The following GPC5 variants were observed in gnomAD, a reference collection of about 807,000 sequenced individuals.
GPC5 encodes the protein glypican 5.
GPC5 carries 47 observed loss-of-function variants against 53.9 expected under a neutral mutation model. The ratio of observed to expected loss-of-function variants is 0.87; its 90% CI spans 0.69 to 1.11. GPC5 has a LOEUF of 1.11. Ranked by LOEUF, GPC5 falls within the 50% of genes most tolerant of loss-of-function variation. The pLI, the probability that GPC5 is intolerant of heterozygous loss-of-function variation, is 0.00. For missense variants in GPC5, 748 were observed against 713.1 expected, an observed-to-expected ratio of 1.05 and a Z score of -0.56; for synonymous variants, 286 against 263.3, an observed-to-expected ratio of 1.09 and a Z score of -0.84.
chr13:91,432,234 T>G (rs923976667), intron 1 of GPC5, among the ~76,000 whole-genome samples: 11 of 150,008 alleles, frequency 7.3e-5, no homozygotes, highest in African/African-American at 2.8e-4. Context: ...TGTGTGTGTG[T>G]GTGTGTGTGT....
intron 1 of GPC5, among the ~76,000 whole-genome samples, chr13:91,447,377 C>T (rs1187888194): frequency 3.4e-5 from 5 of 145,980 alleles, no homozygotes; most frequent in African/African-American, 5.1e-5. Context: ...AGAATTTGCT[C>T]TTACGTAACT....
chr13:92,294,704 C>T (rs2043021361), intron 7 of GPC5, among the ~76,000 whole-genome samples: 1 of 151,380 alleles, frequency 6.6e-6, no homozygotes, highest in Non-Finnish European at 1.5e-5. Context: ...CTTAATTCTG[C>T]TCTAATCTTG....
At position 92,353,266 on chromosome 13, in the gene GPC5, C is replaced by CAAAAAAAAAAAA. The variant is rs563794696; in HGVS notation, c.1561+208284_1561+208295dup. Among the ~76,000 whole-genome samples, 323 of 66,722 alleles carry CAAAAAAAAAAAA rather than the reference C, an allele frequency of 4.8e-3. 8 individuals are homozygous for CAAAAAAAAAAAA. Among genetic ancestry groups the CAAAAAAAAAAAA allele is most frequent in the Non-Finnish European group, 5.6e-3 (195 of 34,528 alleles). 43.8% of individuals were successfully genotyped at this position (66,722 alleles called of 152,430 possible). Reference sequence around the variant, plus strand: ...TGGGCGACAGAGCGAGACTCCGTCTCAAAAAAAAAAAAAAAAAAGAAATGT... The same window carrying CAAAAAAAAAAAA: ...TGGGCGACAGAGCGAGACTCCGTCTCAAAAAAAAAAAAAAAAAAAAAAAAAAAAAAGAAATGT... On this transcript the variant is annotated intron_variant, in intron 7 of 7. Transcript: ENST00000377067.
At chr13:91,952,113 G>T (rs747627788) in intron 6 of GPC5, among the ~76,000 whole-genome samples, 2 of 152,042 alleles carry the variant, frequency 1.3e-5, no homozygotes, top group South Asian at 2.1e-4. Flanking sequence ...TATATGTTCT[G>T]CTAGGTATTA....
At position 92,144,836 on chromosome 13, in the gene GPC5, C is replaced by T. The variant is rs2041854813; in HGVS notation, c.1408C>T (p.Gln470Ter). 1 of 1,609,888 alleles carries T rather than the reference C, an allele frequency of 6.2e-7. No homozygotes were observed. Among genetic ancestry groups the T allele is most frequent in the African/African-American group, 1.3e-5 (1 of 74,458 alleles). Reference sequence around the variant, plus strand: ...TTTCTTTATGTACAATTAGTTGTTACAGGGTAGATCACCCAAACCTGACAA... The same window carrying T: ...TTTCTTTATGTACAATTAGTTGTTATAGGGTAGATCACCCAAACCTGACAA... ...DKLKHVVQLL[Q>*]GRSPKPDKWE... Residue 470 changes from glutamine to a stop codon, truncating the protein, a stop_gained, in exon 7 of 8, where the codon CAG (glutamine) becomes TAG (stop). Transcript: ENST00000377067. LOFTEE classifies it high-confidence loss of function.
At chr13:92,118,319 A>G (rs1207962037) in intron 6 of GPC5, among the ~76,000 whole-genome samples, 1 of 152,152 alleles carries the variant, frequency 6.6e-6, no homozygotes, top group African/African-American at 2.4e-5. Context: ...TTTGTAAAGT[A>G]TTTTTTAAAA....
chr13:91,421,503 A>G (rs2138985004), intron 1 of GPC5, among the ~76,000 whole-genome samples: 1 of 152,308 alleles, frequency 6.6e-6, no homozygotes. Flanking sequence ...CCAAGTGATG[A>G]TAAAAGTGAA....
chr13:91,763,277 C>T (rs142476317), intron 5 of GPC5, among the ~76,000 whole-genome samples: 3 of 152,062 alleles, frequency 2.0e-5, no homozygotes, highest in Non-Finnish European at 4.4e-5. Context: ...TTTTCTCCCC[C>T]CCGGACAACT....
At chr13:92,648,148 G>A (rs181364824) in intron 7 of GPC5, among the ~76,000 whole-genome samples, 5 of 151,766 alleles carry the variant, frequency 3.3e-5, no homozygotes, top group African/African-American at 7.2e-5. Context: ...CATTATTTTT[G>A]GTAAGAACAT....
intron 7 of GPC5, among the ~76,000 whole-genome samples, chr13:92,546,557 A>G (rs1307105239): frequency 2.6e-5 from 4 of 152,218 alleles, no homozygotes; most frequent in Non-Finnish European, 1.5e-5. Flanking sequence ...GCTCATGGGT[A>G]GGAAGAATCA....
At chr13:92,486,944 C>A (rs1055911411) in intron 7 of GPC5, among the ~76,000 whole-genome samples, 1 of 152,010 alleles carries the variant, frequency 6.6e-6, no homozygotes, top group Non-Finnish European at 1.5e-5. Context: ...TAAATTCTGC[C>A]TTCTGGATTC....
intron 6 of GPC5, among the ~76,000 whole-genome samples, chr13:91,945,671 A>C (rs922095974): frequency 7.9e-5 from 12 of 152,114 alleles, no homozygotes; most frequent in African/African-American, 2.9e-4. Context: ...CTGGTAGCTC[A>C]AGGGCCCACT....
At chr13:91,547,265 A>G (rs1193148691) in intron 2 of GPC5, among the ~76,000 whole-genome samples, 2 of 152,052 alleles carry the variant, frequency 1.3e-5, no homozygotes, top group African/African-American at 4.8e-5. Flanking sequence ...GAGACAGTGT[A>G]TTACTGTCTA....
intron 7 of GPC5, among the ~76,000 whole-genome samples, chr13:92,364,687 G>A (rs1238396029): frequency 6.6e-6 from 1 of 151,658 alleles, no homozygotes; most frequent in Non-Finnish European, 1.5e-5. Context: ...CCTAGATCGC[G>A]CCACTGCACT....
chr13:91,413,019 C>T (rs963250263), intron 1 of GPC5, among the ~76,000 whole-genome samples: 8 of 152,174 alleles, frequency 5.3e-5, no homozygotes, highest in East Asian at 3.8e-4. Flanking sequence ...TGGTGGCTCA[C>T]GCCTGTAATC....
At chr13:91,647,083 G>A (rs2034577257) in intron 2 of GPC5, among the ~76,000 whole-genome samples, 2 of 82,592 alleles carry the variant, frequency 2.4e-5, no homozygotes, top group South Asian at 7.6e-4. Context: ...GTGTGTGTGT[G>A]TGTGTGTGTG....
At chr13:91,719,056 A>C (rs867350809) in intron 3 of GPC5, among the ~76,000 whole-genome samples, 64 of 151,774 alleles carry the variant, frequency 4.2e-4, no homozygotes, top group African/African-American at 8.2e-4. Flanking sequence ...GAAAAAAAAA[A>C]CCTACATTTA....
At chr13:92,557,606 C>T (rs1882542443) in intron 7 of GPC5, among the ~76,000 whole-genome samples, 1 of 151,966 alleles carries the variant, frequency 6.6e-6, no homozygotes, top group Non-Finnish European at 1.5e-5. Context: ...GCTAAAAACT[C>T]TATGTTTTCC....
intron 7 of GPC5, among the ~76,000 whole-genome samples, chr13:92,677,029 A>G (rs1247635432): frequency 6.6e-6 from 1 of 152,184 alleles, no homozygotes; most frequent in Non-Finnish European, 1.5e-5. Context: ...CTTTGTATAA[A>G]TTATGATCAT....
Sources: gnomAD v4.1 joint callset for allele counts (sites outside exome capture counted in the v4.1 genomes callset) on GRCh38, gnomAD v4.1.1 for gene constraint, MANE v1.5 for transcripts, NCBI Gene and HGNC (gene_info 2026-07-23, HGNC 2026-07-21) for gene names.